The following FOXP2 variants were observed in gnomAD, a reference collection of about 807,000 sequenced individuals.
FOXP2 encodes the protein forkhead box protein P2.
A neutral mutation model predicts 115.8 loss-of-function variants in FOXP2; 12 were observed. That is an observed-to-expected ratio of 0.10 (90% confidence interval 0.07 to 0.17). The LOEUF is 0.17. Among genes scored for constraint, FOXP2 ranks in the 10% least tolerant of loss-of-function variants. The pLI, the probability that FOXP2 is intolerant of heterozygous loss-of-function variation, is 1.00. For missense variants in FOXP2, 629 were observed against 843.5 expected, an observed-to-expected ratio of 0.75 and a Z score of 3.15; for synonymous variants, 328 against 297.7, an observed-to-expected ratio of 1.10 and a Z score of -1.05.
At chr7:114,461,569 G>T (rs959387064) in intron 2 of FOXP2, among the ~76,000 whole-genome samples, 3 of 151,922 alleles carry the variant, frequency 2.0e-5, no homozygotes, top group East Asian at 1.9e-4. Context: ...CTTTATTCTG[G>T]TTTGTATTAT....
At chr7:114,222,396 C>T (rs1373507748) in intron 1 of FOXP2, among the ~76,000 whole-genome samples, 1 of 152,162 alleles carries the variant, frequency 6.6e-6, no homozygotes, top group Non-Finnish European at 1.5e-5. Flanking sequence ...GTGATCCGCC[C>T]ACCTCAGCCT....
intron 2 of FOXP2, among the ~76,000 whole-genome samples, chr7:114,450,942 A>C (rs1479718186): frequency 6.6e-6 from 1 of 152,084 alleles, no homozygotes; most frequent in Non-Finnish European, 1.5e-5. Flanking sequence ...TTAATTTTTT[A>C]AAGATACACG....
At chr7:114,347,412 A>G (rs1262221357) in intron 2 of FOXP2, among the ~76,000 whole-genome samples, 1 of 151,996 alleles carries the variant, frequency 6.6e-6, no homozygotes, top group East Asian at 1.9e-4. Context: ...TCATTTTTGC[A>G]TTTTATACTG....
intron 1 of FOXP2, among the ~76,000 whole-genome samples, chr7:114,266,716 T>C (rs116694434): frequency 1.3e-3 from 193 of 152,326 alleles, no homozygotes; most frequent in African/African-American, 4.4e-3. Context: ...GGAGGATTAC[T>C]GGATTTGCTT....
intron 1 of FOXP2, among the ~76,000 whole-genome samples, chr7:114,216,842 A>G (rs915325233): frequency 6.6e-5 from 10 of 152,188 alleles, no homozygotes; most frequent in Admixed American, 5.2e-4. Flanking sequence ...AAGCAAATGG[A>G]TTACTAATGT....
At chr7:114,628,766 A>G in intron 4 of FOXP2, 89 bp downstream of exon 4, 2 of 1,530,982 alleles carry the variant, frequency 1.3e-6, no homozygotes, top group Admixed American at 1.7e-5. Flanking sequence ...TTGACAATTC[A>G]GTCTCCATTT....
At chr7:114,611,723 A>G (rs985996647) in intron 3 of FOXP2, among the ~76,000 whole-genome samples, 2 of 152,140 alleles carry the variant, frequency 1.3e-5, no homozygotes, top group East Asian at 1.9e-4. Flanking sequence ...TCTTCTTCCC[A>G]AAAGAAAACA....
chr7:114,546,038 A>C (rs1405727036), intron 3 of FOXP2, among the ~76,000 whole-genome samples: 1 of 152,144 alleles, frequency 6.6e-6, no homozygotes, highest in African/African-American at 2.4e-5. Context: ...CATTTCCACT[A>C]TCTGGCCCAT....
intron 2 of FOXP2, among the ~76,000 whole-genome samples, chr7:114,404,296 G>T (rs1000091849): frequency 2.6e-5 from 4 of 152,226 alleles, no homozygotes; most frequent in South Asian, 4.1e-4. Context: ...AAAATTATAT[G>T]CTTTAATTAG....
chr7:114,351,457 G>A (rs1562882657), intron 2 of FOXP2, among the ~76,000 whole-genome samples: 1 of 151,956 alleles, frequency 6.6e-6, no homozygotes. Context: ...GCACATTGGT[G>A]CTTTATAATC....
chr7:114,130,734 C>T lies in FOXP2; in HGVS notation c.-246-32210C>T, dbSNP rs1372977568. Among the ~76,000 whole-genome samples, 4 of 152,008 alleles carry T rather than the reference C, an allele frequency of 2.6e-5. No individual in the cohort carries two copies. In the East Asian group the frequency reaches 5.8e-4, roughly 22 times the overall value. On this transcript the variant is annotated intron_variant, in intron 1 of 19. Transcript: ENST00000635638. Reference sequence around the variant, plus strand: ...AAATATTTTCATAAATCAGGTACTACAGAAAATATATGCAAAGGCATCAGA... The same window carrying T: ...AAATATTTTCATAAATCAGGTACTATAGAAAATATATGCAAAGGCATCAGA...
intron 1 of FOXP2, among the ~76,000 whole-genome samples, chr7:114,270,444 A>T (rs2129172728): frequency 6.6e-6 from 1 of 152,280 alleles, no homozygotes; most frequent in South Asian, 2.1e-4. Flanking sequence ...ACCAACAATG[A>T]ATGAAGGTTT....
intron 1 of FOXP2, among the ~76,000 whole-genome samples, chr7:114,193,548 C>G (rs1793821216): frequency 6.6e-6 from 1 of 151,768 alleles, no homozygotes; most frequent in Non-Finnish European, 1.5e-5. Context: ...AAGATAGGGT[C>G]TAGAGTTAAA....
At chr7:114,388,968 T>G (rs1792523338) in intron 2 of FOXP2, among the ~76,000 whole-genome samples, 1 of 152,224 alleles carries the variant, frequency 6.6e-6, no homozygotes, top group Non-Finnish European at 1.5e-5. Flanking sequence ...TGAATATTAC[T>G]GATGATATTA....
chr7:114,359,056 C>T (rs1791682954), intron 2 of FOXP2, among the ~76,000 whole-genome samples: 1 of 152,158 alleles, frequency 6.6e-6, no homozygotes, highest in Admixed American at 6.5e-5. Flanking sequence ...CCCCTCCCAT[C>T]ACAAGCCAGG....
intron 2 of FOXP2, among the ~76,000 whole-genome samples, chr7:114,392,241 C>CA (rs143450175): frequency 0.044 from 6,695 of 152,144 alleles, 348 homozygotes; most frequent in African/African-American, 0.13. Flanking sequence ...CTTGGGAAGC[C>CA]AAAGTTCAGT....
chr7:114,379,645 T>C (rs1792231924), intron 2 of FOXP2, among the ~76,000 whole-genome samples: 1 of 152,122 alleles, frequency 6.6e-6, no homozygotes, highest in South Asian at 2.1e-4. Flanking sequence ...AAAAACCATT[T>C]GTAGTTTTAC....
intron 2 of FOXP2, among the ~76,000 whole-genome samples, chr7:114,320,130 A>G (rs1408610669): frequency 6.6e-6 from 1 of 152,028 alleles, no homozygotes; most frequent in African/African-American, 2.4e-5. Flanking sequence ...ATTTCCCAGC[A>G]CTCTGCTCCC....
At chr7:114,374,662 TC>T (rs1792096951) in intron 2 of FOXP2, among the ~76,000 whole-genome samples, 1 of 152,216 alleles carries the variant, frequency 6.6e-6, no homozygotes, top group Non-Finnish European at 1.5e-5. Context: ...TGACTTATAA[TC>T]ATTTGTGCAC....
Sources: gnomAD v4.1 joint callset for allele counts (sites outside exome capture counted in the v4.1 genomes callset) on GRCh38, gnomAD v4.1.1 for gene constraint, MANE v1.5 for transcripts, NCBI Gene and HGNC (gene_info 2026-07-23, HGNC 2026-07-21) for gene names.